The following PDE4D variants were observed in gnomAD, a reference collection of about 807,000 sequenced individuals.
The protein encoded by PDE4D is 3',5'-cyclic-AMP phosphodiesterase 4D.
Under a neutral mutation model 87.4 loss-of-function variants are expected in PDE4D, and 24 were observed. The ratio of observed to expected loss-of-function variants is 0.27; its 90% CI spans 0.20 to 0.39. The LOEUF is 0.39. Among genes scored for constraint, PDE4D ranks in the 10% least tolerant of loss-of-function variants. The probability of loss-of-function intolerance (pLI) is 1.00; values close to 1 mark genes in which losing one functional copy is unlikely to be tolerated. For missense variants in PDE4D, 714 were observed against 1,041.0 expected, an observed-to-expected ratio of 0.69 and a Z score of 4.32; for synonymous variants, 384 against 383.2, an observed-to-expected ratio of 1.00 and a Z score of -0.02.
chr5:59,746,075 G>A (rs1759562435), intron 1 of PDE4D, among the ~76,000 whole-genome samples: 1 of 152,026 alleles, frequency 6.6e-6, no homozygotes, highest in Non-Finnish European at 1.5e-5. Context: ...AAACTGTTGT[G>A]ACAAATGCAA....
chr5:59,914,800 G>A lies in PDE4D; in HGVS notation c.272+73688C>T, dbSNP rs147167872. ...TTAAGAAAGATAACTGGCTTGGCCC[G>A]GCGTGGAAGAAGTAGGTAGGAGAAG... On this transcript the variant is annotated intron_variant, in intron 3 of 16. Transcript: ENST00000502484. Among the ~76,000 whole-genome samples, 638 of 149,686 alleles carry A rather than the reference G, an allele frequency of 4.3e-3. 6 individuals are homozygous for A. The highest frequency in any genetic ancestry group is 0.015 in the African/African-American group (613 of 40,682).
At chr5:59,184,621 AC>A (rs1207268444) in intron 4 of PDE4D, among the ~76,000 whole-genome samples, 1 of 152,124 alleles carries the variant, frequency 6.6e-6, no homozygotes, top group Non-Finnish European at 1.5e-5. Flanking sequence ...TTGAAAAATT[AC>A]TTTTATCTTT....
chr5:60,114,918 TA>T (rs1307747614), intron 2 of PDE4D, among the ~76,000 whole-genome samples: 1 of 140,890 alleles, frequency 7.1e-6, no homozygotes, highest in East Asian at 2.0e-4. Context: ...TCTACACATA[TA>T]ATCACATAGA....
chr5:60,182,206 T>C (rs1582992772), intron 2 of PDE4D, among the ~76,000 whole-genome samples: 1 of 152,222 alleles, frequency 6.6e-6, no homozygotes, highest in East Asian at 1.9e-4. Context: ...AATTAGCTTC[T>C]AGGTCTATGA....
chr5:59,425,259 C>T (rs576638876), intron 1 of PDE4D, among the ~76,000 whole-genome samples: 1 of 152,248 alleles, frequency 6.6e-6, no homozygotes, highest in African/African-American at 2.4e-5. Context: ...TAAAAAATAT[C>T]AATCATCTAG....
chr5:59,733,668 A>G (rs1252521004), intron 1 of PDE4D, among the ~76,000 whole-genome samples: 1 of 152,078 alleles, frequency 6.6e-6, no homozygotes, highest in Admixed American at 6.6e-5. Context: ...AAAAAATTGA[A>G]ATGTCAACAT....
chr5:59,380,668 A>T (rs567808811), intron 1 of PDE4D, among the ~76,000 whole-genome samples: 2 of 152,324 alleles, frequency 1.3e-5, no homozygotes, highest in African/African-American at 4.8e-5. Context: ...GTTTAAATTC[A>T]TCAAAGCTTT....
rs1456892552 is a variant in PDE4D, at chr5:58,972,931, G to GCAT, written c.*1730_*1732dup. On this transcript the variant is annotated 3_prime_UTR_variant, in exon 15 of 15. Coordinates refer to ENST00000340635, the MANE Select transcript of PDE4D (RefSeq NM_001104631.2). Reference sequence around the variant, plus strand: ...CAGTACTAACCCTCTGGTGCCAGTGGCATCATCTTCTTTCCCTCCATGTGT... The same window carrying GCAT: ...CAGTACTAACCCTCTGGTGCCAGTGGCATCATCATCTTCTTTCCCTCCATGTGT... 1.3e-5 allele frequency: 2 copies of GCAT among 152,080 alleles called. No homozygotes were observed. Among genetic ancestry groups the GCAT allele is most frequent in the Non-Finnish European group, 2.9e-5 (2 of 68,002 alleles). The allele number at this position is 152,080 out of a possible 1,614,324, so 9.4% of individuals were successfully genotyped here.
At chr5:60,406,545 T>C (rs777848829) in intron 1 of PDE4D, among the ~76,000 whole-genome samples, 1 of 152,234 alleles carries the variant, frequency 6.6e-6, no homozygotes, top group Non-Finnish European at 1.5e-5. Flanking sequence ...TTTGAGTCTA[T>C]GATTTTCCTG....
At chr5:60,093,881 C>T (rs1033317969) in intron 2 of PDE4D, among the ~76,000 whole-genome samples, 31 of 151,874 alleles carry the variant, frequency 2.0e-4, no homozygotes, top group African/African-American at 4.6e-4. Flanking sequence ...TGTTTATAAA[C>T]GATTTCTGTA....
At chr5:59,755,490 A>T (rs1185559379) in intron 1 of PDE4D, among the ~76,000 whole-genome samples, 3 of 152,198 alleles carry the variant, frequency 2.0e-5, no homozygotes, top group African/African-American at 4.8e-5. Context: ...GTGATTCAAG[A>T]ATGATCAATG....
chr5:59,028,888 G>A lies in PDE4D; in HGVS notation c.921+9971C>T, dbSNP rs1032797823. 7.2e-5 allele frequency among the ~76,000 whole-genome samples: 11 copies of A among 152,278 alleles called. No individual in the cohort carries two copies. The East Asian group carries it at 1.3e-3, about 19-fold the overall frequency. ...GGTAGGCAAAATGCTTTAAGGTGGT[G>A]CAAGATGAATGTTTTCTCATTTTGT... On this transcript the variant is annotated intron_variant, in intron 6 of 14. Coordinates refer to ENST00000340635, the MANE Select transcript of PDE4D (RefSeq NM_001104631.2).
At chr5:59,038,995 G>T (rs778246612) in intron 5 of PDE4D, 24 bp from the exon 6 acceptor site, 3 of 1,558,590 alleles carry the variant, frequency 1.9e-6, no homozygotes, top group Non-Finnish European at 2.6e-6. Flanking sequence ...GGGAAAGGGG[G>T]ACTCAGTTCT....
chr5:59,310,516 T>C (rs1044829651), intron 1 of PDE4D, among the ~76,000 whole-genome samples: 2 of 152,188 alleles, frequency 1.3e-5, no homozygotes, highest in Non-Finnish European at 2.9e-5. Flanking sequence ...GAGCAACTCC[T>C]ACTTCCTTTC....
intron 6 of PDE4D, among the ~76,000 whole-genome samples, chr5:59,014,801 G>A (rs1350083292): frequency 6.6e-6 from 1 of 152,164 alleles, no homozygotes; most frequent in Admixed American, 6.5e-5. Context: ...CCAAAAAAGA[G>A]CCCGCATTGC....
At chr5:60,351,037 T>A (rs1359778623) in intron 1 of PDE4D, among the ~76,000 whole-genome samples, 1 of 152,164 alleles carries the variant, frequency 6.6e-6, no homozygotes, top group Non-Finnish European at 1.5e-5. Context: ...CCGTTGCTGA[T>A]CTCACAGAGC....
exon 2 of PDE4D, chr5:60,185,611 A>G (rs1319600804): frequency 1.3e-6 from 2 of 1,523,148 alleles, no homozygotes; most frequent in Non-Finnish European, 1.8e-6. Context: ...TGGTGTTTTA[A>G]GTAATTAAAA....
intron 1 of PDE4D, among the ~76,000 whole-genome samples, chr5:59,565,672 C>A (rs578151880): frequency 6.6e-6 from 1 of 152,190 alleles, no homozygotes; most frequent in Non-Finnish European, 1.5e-5. Flanking sequence ...ACCTGATGCT[C>A]CTTGGCTTCA....
chr5:59,029,932 G>GGA (rs77919735), intron 6 of PDE4D, among the ~76,000 whole-genome samples: 17,365 of 152,046 alleles, frequency 0.11, 1,516 homozygotes, highest in East Asian at 0.47. Context: ...AACACACAAT[G>GGA]GAGAGAGGAC....
Sources: gnomAD v4.1 joint callset for allele counts (sites outside exome capture counted in the v4.1 genomes callset) on GRCh38, gnomAD v4.1.1 for gene constraint, MANE v1.5 for transcripts, NCBI Gene and HGNC (gene_info 2026-07-23, HGNC 2026-07-21) for gene names.